The following SRFBP1 variants were observed in gnomAD, a reference collection of about 807,000 sequenced individuals.
SRFBP1 encodes the protein serum response factor binding protein 1.
SRFBP1 carries 47 observed loss-of-function variants against 45.5 expected under a neutral mutation model. The observed-to-expected ratio is 1.03, with a 90% confidence interval of 0.82 to 1.32. SRFBP1 has a LOEUF of 1.32. Ranked by LOEUF, SRFBP1 falls within the 40% of genes most tolerant of loss-of-function variation. The pLI is 0.00. For missense variants in SRFBP1, 621 were observed against 484.6 expected (o/e 1.28, Z -2.64); for synonymous variants, 203 against 166.3 (o/e 1.22, Z -1.70).
chr5:122,077,750 G>C (rs1222238231), downstream of SRFBP1: 3 of 1,563,434 alleles, frequency 1.9e-6, no homozygotes, highest in Non-Finnish European at 2.6e-6. This position sits in a 1 kb window ranked among gnomAD's most constrained non-coding sequence, Gnocchi z 4.9. Flanking sequence ...GGCGTTGGCT[G>C]CACCAGGGAC....
chr5:122,019,330 A>G lies in SRFBP1; in HGVS notation c.341A>G (p.Asp114Gly). The change falls in exon 5 of 8, where the codon GAT becomes GGT. Residue 114 changes from aspartate to glycine, a missense_variant. By Grantham distance (94) the Asp-to-Gly change is moderately conservative. Coordinates refer to ENST00000339397, the MANE Select transcript of SRFBP1 (RefSeq NM_152546.3). ...AVHPLLKKKI[D>G]VLKAAVQAFK... ...CATCCTCTTCTGAAGAAAAAGATAG[A>G]TGTGCTAAAAGGTATGAATTAAATG... is the stretch of plus-strand genomic sequence containing the variant. 6.2e-7 allele frequency: 1 copy of G among 1,611,980 alleles called. No homozygotes were observed. The highest frequency in any genetic ancestry group is 1.1e-5 in the South Asian group (1 of 90,874).
chr5:121,997,968 A>G (rs1455132455), intron 4 of SRFBP1, among the ~76,000 whole-genome samples: 1 of 151,402 alleles, frequency 6.6e-6, no homozygotes, highest in African/African-American at 2.4e-5. Flanking sequence ...ACTATGAGAT[A>G]CCATCTCACA....
chr5:122,051,905 C>T (rs1022300936), intron 2 of SRFBP1, among the ~76,000 whole-genome samples: 3 of 151,944 alleles, frequency 2.0e-5, no homozygotes, highest in East Asian at 1.9e-4. Flanking sequence ...CTTTCCGTAT[C>T]GAGCACTCCT....
intron 2 of SRFBP1, among the ~76,000 whole-genome samples, chr5:122,055,509 A>G (rs1197021443): frequency 1.3e-5 from 2 of 152,218 alleles, no homozygotes; most frequent in Non-Finnish European, 2.9e-5. Context: ...ACCAAATTCT[A>G]TACAGTTTTA....
At chr5:122,073,868 C>G in intron 2 of SRFBP1, 1 of 705,684 alleles carries the variant, frequency 1.4e-6, no homozygotes, top group Non-Finnish European at 2.4e-6. Context: ...GGTATATCAT[C>G]TACAGTTTTC....
intron 2 of SRFBP1, among the ~76,000 whole-genome samples, chr5:122,061,677 G>T (rs1754171569): frequency 6.6e-6 from 1 of 151,970 alleles, no homozygotes; most frequent in African/African-American, 2.4e-5. Flanking sequence ...AGATTTGTGA[G>T]GGAAGAGATT....
chr5:121,968,805 G>T (rs923466101), intron 1 of SRFBP1, among the ~76,000 whole-genome samples: 1 of 152,102 alleles, frequency 6.6e-6, no homozygotes, highest in Non-Finnish European at 1.5e-5. Flanking sequence ...TGTTGTCGTA[G>T]TTTTTTTGTA....
chr5:122,017,687 A>G (rs539443955), intron 4 of SRFBP1, among the ~76,000 whole-genome samples: 2 of 152,340 alleles, frequency 1.3e-5, no homozygotes, highest in African/African-American at 4.8e-5. Flanking sequence ...TTTGAGTGAC[A>G]TTACTCACAT....
chr5:122,074,631 C>T (rs1005169184), intron 2 of SRFBP1, among the ~76,000 whole-genome samples: 3 of 152,148 alleles, frequency 2.0e-5, no homozygotes, highest in African/African-American at 4.8e-5. Context: ...CAAGGGAGAA[C>T]TCATGGCATG....
At chr5:122,058,529 AGTGTGTGTGTGTGTGTGTGTGT>A (rs147926229) in intron 2 of SRFBP1, among the ~76,000 whole-genome samples, 4 of 142,234 alleles carry the variant, frequency 2.8e-5, no homozygotes, top group South Asian at 2.3e-4. Context: ...ACAATGAGAT[AGTGTGTGTGTGTGTGTGTGTGT>A]GTGTGTGTGT....
intron 2 of SRFBP1, among the ~76,000 whole-genome samples, chr5:122,040,755 T>G (rs1024010600): frequency 6.6e-6 from 1 of 152,194 alleles, no homozygotes; most frequent in Non-Finnish European, 1.5e-5. Context: ...ACAATTAATG[T>G]ACCTAAAGTA....
chr5:121,997,385 G>A (rs1380183588), intron 4 of SRFBP1, among the ~76,000 whole-genome samples: 1 of 151,492 alleles, frequency 6.6e-6, no homozygotes, highest in Non-Finnish European at 1.5e-5. Flanking sequence ...TCTGATCTTT[G>A]ACAAACCTGA....
chr5:122,010,612 A>C (rs1753073245), intron 4 of SRFBP1, among the ~76,000 whole-genome samples: 1 of 148,784 alleles, frequency 6.7e-6, no homozygotes, highest in Non-Finnish European at 1.5e-5. Context: ...TGAATGATTA[A>C]ATGACTGGCT....
downstream of SRFBP1, chr5:122,077,053 G>T (rs768512773): frequency 6.2e-7 from 1 of 1,600,966 alleles, no homozygotes. The surrounding 1 kb of genome is among the most constrained non-coding windows in gnomAD (Gnocchi z 4.9). Flanking sequence ...GGCGCCCCCC[G>T]CTCCAACTCC....
At chr5:122,032,924 T>A (rs957867729), downstream of SRFBP1, among the ~76,000 whole-genome samples, 6 of 152,128 alleles carry the variant, frequency 3.9e-5, no homozygotes, top group African/African-American at 1.2e-4. Context: ...CATGACCTCT[T>A]TGTTTTTTTT....
intron 2 of SRFBP1, chr5:122,075,239 C>A: frequency 1.7e-6 from 1 of 572,190 alleles, no homozygotes. Flanking sequence ...ATAACAGGAT[C>A]TTGTAGTAGA....
At chr5:122,066,576 C>T in intron 2 of SRFBP1, 1 of 523,246 alleles carries the variant, frequency 1.9e-6, no homozygotes, top group Non-Finnish European at 3.5e-6. Flanking sequence ...CTTAAGCGTT[C>T]AAAATCCAGT....
intron 3 of SRFBP1, among the ~76,000 whole-genome samples, chr5:121,982,602 C>A (rs1012743229): frequency 4.6e-5 from 7 of 151,828 alleles, no homozygotes; most frequent in African/African-American, 1.4e-4. Context: ...CCGCTTGCTT[C>A]TGTTTGAAAA....
chr5:122,000,052 C>G (rs1040762403), intron 4 of SRFBP1, among the ~76,000 whole-genome samples: 13 of 151,958 alleles, frequency 8.6e-5, no homozygotes, highest in African/African-American at 3.1e-4. Flanking sequence ...AAATGAGCAT[C>G]TTATCTCTTC....
Sources: gnomAD v4.1 joint callset for allele counts (sites outside exome capture counted in the v4.1 genomes callset) on GRCh38, gnomAD v4.1.1 for gene constraint, Gnocchi (gnomAD v3.1) non-coding constraint, MANE v1.5 for transcripts, NCBI Gene and HGNC (gene_info 2026-07-23, HGNC 2026-07-21) for gene names.